The following CDH13 variants were observed in gnomAD, a reference collection of about 807,000 sequenced individuals.
CDH13 encodes cadherin 13, also known as cadherin-13.
Under a neutral mutation model 63.8 loss-of-function variants are expected in CDH13, and 24 were observed. The observed-to-expected ratio is 0.38, with a 90% CI of 0.27 to 0.53. CDH13 has a LOEUF of 0.53. Ranked by LOEUF, CDH13 falls within the 20% of genes least tolerant of loss-of-function variation. The pLI is 0.85. For synonymous variants in CDH13, 503 were observed against 355.3 expected (o/e 1.42, Z -4.67); for missense variants, 1,049 against 903.1 (o/e 1.16, Z -2.07).
intron 2 of CDH13, among the ~76,000 whole-genome samples, chr16:82,872,109 T>C (rs1555532842): frequency 1.3e-5 from 2 of 152,220 alleles, no homozygotes; most frequent in Admixed American, 6.5e-5. Context: ...TCTAAGGGTA[T>C]TGTGCTCTGT....
intron 1 of CDH13, among the ~76,000 whole-genome samples, chr16:82,778,174 A>G (rs1390057496): frequency 6.6e-6 from 1 of 152,172 alleles, no homozygotes; most frequent in African/African-American, 2.4e-5. Flanking sequence ...TGATGGGTCA[A>G]ATTCCTTTTA....
intron 4 of CDH13, among the ~76,000 whole-genome samples, chr16:83,152,218 A>T (rs1316553090): frequency 1.3e-5 from 2 of 152,198 alleles, no homozygotes; most frequent in African/African-American, 4.8e-5. Context: ...GATGTCTTAC[A>T]TGCCAAAATG....
chr16:83,254,871 G>C (rs1906015737), intron 5 of CDH13, among the ~76,000 whole-genome samples: 1 of 152,128 alleles, frequency 6.6e-6, no homozygotes, highest in Non-Finnish European at 1.5e-5. Context: ...GTCCCTACTA[G>C]GGGAAATGCT....
rs566012001 is a variant in CDH13, at chr16:83,477,400, T to C, written c.782-9077T>C. Reference sequence around the variant, plus strand: ...GTAATTTCAGCTGCATGGAGACACTTAGGACTGTTTTTAAATGAAGTCAGC... The same window carrying C: ...GTAATTTCAGCTGCATGGAGACACTCAGGACTGTTTTTAAATGAAGTCAGC... On this transcript the variant is annotated intron_variant, in intron 6 of 13. Transcript: ENST00000567109. Among the ~76,000 whole-genome samples the C allele has an allele frequency of 3.3e-5, 5 of 152,292 alleles. No homozygotes were observed. In the South Asian group the frequency reaches 1.0e-3, roughly 32 times the overall value.
intron 1 of CDH13, among the ~76,000 whole-genome samples, chr16:82,808,031 G>C (rs952897688): frequency 1.3e-5 from 2 of 152,124 alleles, no homozygotes; most frequent in Non-Finnish European, 2.9e-5. Context: ...TGAGCTCTAG[G>C]CAAGGGGCAA....
intron 4 of CDH13, among the ~76,000 whole-genome samples, chr16:83,209,740 C>G (rs904551271): frequency 6.6e-6 from 1 of 152,074 alleles, no homozygotes; most frequent in Non-Finnish European, 1.5e-5. Context: ...AGGCAAGGTG[C>G]TCCCCTAGCT....
intron 1 of CDH13, among the ~76,000 whole-genome samples, chr16:82,770,150 C>T (rs1355565896): frequency 6.6e-6 from 1 of 152,234 alleles, no homozygotes; most frequent in Non-Finnish European, 1.5e-5. Context: ...GCCACAGAAC[C>T]TGGCTGTGAT....
chr16:83,630,974 C>G (rs149417402), intron 8 of CDH13, among the ~76,000 whole-genome samples: 11 of 152,196 alleles, frequency 7.2e-5, no homozygotes, highest in African/African-American at 2.2e-4. Context: ...ATATGGCAAG[C>G]ACAGTGCCTG....
chr16:83,006,928 G>GTTTTTTT (rs1354618729), intron 2 of CDH13, among the ~76,000 whole-genome samples: 1 of 127,988 alleles, frequency 7.8e-6, no homozygotes, highest in African/African-American at 2.9e-5. Flanking sequence ...TTGTTTGTTT[G>GTTTTTTT]TTTGTTTTTT....
At chr16:83,586,826 G>C (rs1428568538) in intron 7 of CDH13, among the ~76,000 whole-genome samples, 1 of 152,134 alleles carries the variant, frequency 6.6e-6, no homozygotes, top group African/African-American at 2.4e-5. Flanking sequence ...TTTCTCCCTG[G>C]TCCACGAATT....
At chr16:83,317,970 C>T (rs996883495) in intron 5 of CDH13, among the ~76,000 whole-genome samples, 10 of 152,144 alleles carry the variant, frequency 6.6e-5, no homozygotes, top group Non-Finnish European at 1.0e-4. Context: ...AGGTGGACTG[C>T]ACTGCTTCTG....
At chr16:83,181,125 G>C in intron 4 of CDH13, 1 of 962,408 alleles carries the variant, frequency 1.0e-6, no homozygotes, top group Non-Finnish European at 1.5e-6. Flanking sequence ...ATTTGGGATA[G>C]AAATGTGTAG....
At chr16:83,319,503 C>T (rs1196081151) in intron 5 of CDH13, among the ~76,000 whole-genome samples, 1 of 152,150 alleles carries the variant, frequency 6.6e-6, no homozygotes, top group Non-Finnish European at 1.5e-5. Context: ...GAAAAACAGG[C>T]CGAATTGAAT....
chr16:83,663,117 A>G (rs908060241), intron 8 of CDH13, among the ~76,000 whole-genome samples: 1 of 152,182 alleles, frequency 6.6e-6, no homozygotes, highest in Non-Finnish European at 1.5e-5. Context: ...CTTAGTTCAA[A>G]TTTATCAAAG....
intron 6 of CDH13, among the ~76,000 whole-genome samples, chr16:83,398,735 G>C (rs2091924519): frequency 1.3e-5 from 2 of 152,284 alleles, no homozygotes; most frequent in Admixed American, 1.3e-4. Context: ...TTGGACTGCT[G>C]CTCCAAAGAG....
At chr16:82,686,331 C>T (rs918318887) in intron 1 of CDH13, among the ~76,000 whole-genome samples, 4 of 152,154 alleles carry the variant, frequency 2.6e-5, no homozygotes, top group Non-Finnish European at 5.9e-5. Flanking sequence ...CTGCGGAGAG[C>T]CATGAGAGAC....
At chr16:83,075,612 G>C (rs370717214) in intron 3 of CDH13, among the ~76,000 whole-genome samples, 73 of 152,328 alleles carry the variant, frequency 4.8e-4, no homozygotes, top group African/African-American at 1.6e-3. Context: ...TTGATGTTCT[G>C]TGTGAGGTGG....
intron 4 of CDH13, among the ~76,000 whole-genome samples, chr16:83,158,938 G>A (rs888087715): frequency 3.3e-5 from 5 of 152,116 alleles, no homozygotes; most frequent in Non-Finnish European, 5.9e-5. Context: ...CTGTTCTCAG[G>A]ACCTTCATTA....
chr16:82,881,242 A>T (rs188679839), intron 2 of CDH13, among the ~76,000 whole-genome samples: 1 of 152,260 alleles, frequency 6.6e-6, no homozygotes, highest in African/African-American at 2.4e-5. Context: ...ATAGGGGTTC[A>T]AGCTCCCATT....
Sources: allele counts gnomAD v4.1 joint callset (sites outside exome capture counted in the v4.1 genomes callset), GRCh38; gene constraint gnomAD v4.1.1; transcripts MANE v1.5; gene names NCBI Gene and HGNC (gene_info 2026-07-23, HGNC 2026-07-21).